Variants in SHOC2 observed in about 807,000 individuals in gnomAD.
SHOC2 encodes leucine-rich repeat protein SHOC-2.
SHOC2 carries 4 observed loss-of-function variants against 50.2 expected under a neutral mutation model. The observed-to-expected ratio is 0.08, with a 90% CI of 0.04 to 0.18. The LOEUF is 0.18. Ranked by LOEUF, SHOC2 falls within the 10% of genes least tolerant of loss-of-function variation. SHOC2 has a pLI of 1.00. For synonymous variants in SHOC2, 218 were observed against 244.5 expected (o/e 0.89, Z 1.01); for missense variants, 388 against 669.6 (o/e 0.58, Z 4.64).
intron 1 of SHOC2, among the ~76,000 whole-genome samples, chr10:110,943,275 T>C (rs1363845099): frequency 6.6e-6 from 1 of 151,452 alleles, no homozygotes; most frequent in Non-Finnish European, 1.5e-5. Context: ...TTTTTTCTGT[T>C]CCTCATACTG....
At chr10:110,985,834 A>G in intron 3 of SHOC2, 69 bp downstream of exon 3, 2 of 1,350,192 alleles carry the variant, frequency 1.5e-6, no homozygotes, top group East Asian at 4.6e-5. Context: ...ACTATTTTTG[A>G]TCCATTTGGT....
chr10:111,001,666 G>A (rs1848378672), intron 4 of SHOC2, among the ~76,000 whole-genome samples: 3 of 152,150 alleles, frequency 2.0e-5, no homozygotes, highest in South Asian at 2.1e-4. Context: ...AATGTCTTAC[G>A]TAAGTGCTGC....
At chr10:110,923,700 C>G (rs1464345444) in intron 1 of SHOC2, among the ~76,000 whole-genome samples, 2 of 152,144 alleles carry the variant, frequency 1.3e-5, no homozygotes, top group African/African-American at 4.8e-5. Context: ...AGTGAACATA[C>G]TGCTTGTAGC....
chr10:110,921,347 T>C (rs1018486449), intron 1 of SHOC2, among the ~76,000 whole-genome samples: 5 of 152,216 alleles, frequency 3.3e-5, no homozygotes, highest in Admixed American at 6.5e-5. Context: ...TATGTAATTA[T>C]AAATACACAT....
At chr10:110,982,846 C>T (rs1037859081) in intron 2 of SHOC2, among the ~76,000 whole-genome samples, 1 of 152,086 alleles carries the variant, frequency 6.6e-6, no homozygotes, top group Non-Finnish European at 1.5e-5. Context: ...GGTAATACCT[C>T]ATAAAATGAG....
intron 1 of SHOC2, among the ~76,000 whole-genome samples, chr10:110,949,362 T>C (rs1275118761): frequency 6.6e-6 from 1 of 152,124 alleles, no homozygotes; most frequent in African/African-American, 2.4e-5. Flanking sequence ...AATTTTTTTC[T>C]AGAAGCATAG....
chr10:110,998,254 C>T (rs182546119), intron 3 of SHOC2, among the ~76,000 whole-genome samples: 2 of 152,264 alleles, frequency 1.3e-5, no homozygotes, highest in Admixed American at 1.3e-4. Context: ...TTGCCTCGAC[C>T]TCCCAAAGTG....
At chr10:110,984,568 A>G (rs1331413887) in intron 2 of SHOC2, among the ~76,000 whole-genome samples, 1 of 152,144 alleles carries the variant, frequency 6.6e-6, no homozygotes, top group Non-Finnish European at 1.5e-5. Context: ...TTCCACACCC[A>G]TTCTTCAGAG....
chr10:110,924,799 G>A (rs1846724093), intron 1 of SHOC2, among the ~76,000 whole-genome samples: 3 of 152,082 alleles, frequency 2.0e-5, no homozygotes, highest in Admixed American at 2.0e-4. Flanking sequence ...GCCGGGCGTG[G>A]TGGCTCACGC....
chr10:110,977,407 G>A (rs1168129032), intron 2 of SHOC2, among the ~76,000 whole-genome samples: 1 of 151,970 alleles, frequency 6.6e-6, no homozygotes, highest in East Asian at 1.9e-4. Context: ...CACCACACCC[G>A]GCTAATTTTG....
At chr10:110,928,086 G>A (rs1016839284) in intron 1 of SHOC2, among the ~76,000 whole-genome samples, 1 of 152,270 alleles carries the variant, frequency 6.6e-6, no homozygotes, top group Non-Finnish European at 1.5e-5. Context: ...GGAGGCCGAG[G>A]CGGGTGGGTC....
intron 5 of SHOC2, among the ~76,000 whole-genome samples, chr10:111,006,560 C>T (rs1288386196): frequency 7.2e-5 from 11 of 152,046 alleles, no homozygotes; most frequent in Admixed American, 1.3e-4. Flanking sequence ...TTAGTAGAGA[C>T]GGGGTTTCAC....
At chr10:110,938,793 T>C (rs892733726) in intron 1 of SHOC2, among the ~76,000 whole-genome samples, 9 of 152,234 alleles carry the variant, frequency 5.9e-5, no homozygotes, top group Non-Finnish European at 1.2e-4. Context: ...TATAGAATAT[T>C]TTCAGATCAG....
intron 1 of SHOC2, among the ~76,000 whole-genome samples, chr10:110,935,100 A>G (rs531709273): frequency 9.5e-4 from 145 of 152,326 alleles, no homozygotes; most frequent in African/African-American, 3.3e-3. Flanking sequence ...ATGCTGTTCT[A>G]CAGTTCACTT....
chr10:110,995,206 G>A (rs1369051008), intron 3 of SHOC2, among the ~76,000 whole-genome samples: 1 of 152,244 alleles, frequency 6.6e-6, no homozygotes, highest in Non-Finnish European at 1.5e-5. Flanking sequence ...ATTCTGTGGA[G>A]AGAAGTATAG....
intron 7 of SHOC2, 113 bp from the exon 8 acceptor site, chr10:111,009,600 A>T (rs998901226): frequency 1.2e-6 from 1 of 828,040 alleles, no homozygotes; most frequent in Admixed American, 2.1e-5. Context: ...TTCTCATTCT[A>T]TCCAATCTGG....
intron 1 of SHOC2, among the ~76,000 whole-genome samples, chr10:110,960,742 C>G (rs970815533): frequency 2.0e-5 from 3 of 152,332 alleles, no homozygotes; most frequent in East Asian, 3.9e-4. Context: ...GTGGCACAAT[C>G]TCAGCTCACT....
rs969801196 is a variant in SHOC2 at position 110,931,449 on chromosome 10, A to T, written c.-235+11792A>T. ...TTGAAAGCTCCTTTTTAAACTCTTA[A>T]ACTGCAAAAATATATAGGTTTACAT... On this transcript the variant is annotated intron_variant, in intron 1 of 8. Coordinates refer to ENST00000369452, the MANE Select transcript of SHOC2 (RefSeq NM_007373.4). Among the ~76,000 whole-genome samples the T allele has an allele frequency of 3.9e-5, 6 of 152,250 alleles. No homozygotes were observed. In the East Asian group the frequency reaches 1.2e-3, roughly 29 times the overall value.
At chr10:110,921,258 A>G (rs1044863592) in intron 1 of SHOC2, among the ~76,000 whole-genome samples, 4 of 152,236 alleles carry the variant, frequency 2.6e-5, no homozygotes, top group Non-Finnish European at 5.9e-5. Context: ...GCAAATGACC[A>G]TTCGCCACAT....
Sources: allele counts gnomAD v4.1 joint callset (sites outside exome capture counted in the v4.1 genomes callset), GRCh38; gene constraint gnomAD v4.1.1; transcripts MANE v1.5; gene names NCBI Gene and HGNC (gene_info 2026-07-23, HGNC 2026-07-21).